BDNF: variants seen among roughly 807,000 people sequenced by gnomAD.
BDNF encodes neurotrophic factor BDNF precursor form.
A neutral mutation model predicts 19.5 loss-of-function variants in BDNF; 1 was observed. The ratio of observed to expected loss-of-function variants is 0.05; its 90% CI spans 0.02 to 0.24. BDNF has a LOEUF of 0.24. Among genes scored for constraint, BDNF ranks in the 10% least tolerant of loss-of-function variants. The probability of loss-of-function intolerance (pLI) is 1.00; values close to 1 mark genes in which losing one functional copy is unlikely to be tolerated. For synonymous variants in BDNF, 100 were observed against 121.6 expected (o/e 0.82, Z 1.17); for missense variants, 195 against 317.6 (o/e 0.61, Z 2.93).
At chr11:27,675,321 C>T (rs1855937794) in intron 1 of BDNF, 2 of 152,140 alleles carry the variant, frequency 1.3e-5, no homozygotes, top group South Asian at 2.1e-4. Context: ...CACAAGGTAC[C>T]AACCATATAT....
chr11:27,693,337 T>C (rs7127507), intron 1 of BDNF, among the ~76,000 whole-genome samples: 51,626 of 152,050 alleles, frequency 0.34, 9,339 homozygotes, highest in African/African-American at 0.44. Flanking sequence ...CTTTCTACAA[T>C]CTGCTGATAA....
At chr11:27,720,985 C>G (rs1860726210) in intron 1 of BDNF, among the ~76,000 whole-genome samples, 2 of 147,990 alleles carry the variant, frequency 1.4e-5, no homozygotes, top group African/African-American at 2.5e-5. Flanking sequence ...GTCTTTACCC[C>G]ACCCTTACCC....
intron 1 of BDNF, among the ~76,000 whole-genome samples, chr11:27,665,083 C>CA (rs1247243519): frequency 6.6e-6 from 1 of 152,204 alleles, no homozygotes; most frequent in African/African-American, 2.4e-5. Flanking sequence ...TTAACCTCTT[C>CA]AATTAGAATT....
chr11:27,657,771 AATAG>A lies in BDNF; in HGVS notation c.*46_*49del, dbSNP rs757951775. The A allele has an allele frequency of 1.9e-6, 3 of 1,603,248 alleles. No individual in the cohort carries two copies. Among genetic ancestry groups the A allele is most frequent in the Admixed American group, 1.7e-5 (1 of 59,910 alleles). ...ATTTACCCTGTTATGTATATATACA[AATAG>A]ATAATTTTTGTCTCAATATAATCTA... On this transcript the variant is annotated 3_prime_UTR_variant, in exon 2 of 2. Transcript: ENST00000356660. The surrounding 1 kb of genome is among the most constrained non-coding windows in gnomAD (Gnocchi z 5.0).
chr11:27,706,251 A>G (rs946539665), intron 1 of BDNF, among the ~76,000 whole-genome samples: 1 of 152,182 alleles, frequency 6.6e-6, no homozygotes, highest in Non-Finnish European at 1.5e-5. Flanking sequence ...GAGGCAAATA[A>G]TTTTTCTAAA....
chr11:27,660,305 C>T lies in BDNF; in HGVS notation c.-21-1720G>A, dbSNP rs1352312199. On this transcript the variant is annotated intron_variant, in intron 1 of 1. Transcript: ENST00000356660. ...CACAAAAAAATTTCTTTTAGATTTA[C>T]TCTCACTTTGCACGAATAGCAAACA... 5.7e-6 allele frequency: 6 copies of T among 1,055,312 alleles called. No homozygotes were observed. The Admixed American group carries it at 1.5e-4, about 27-fold the overall frequency. 65.4% of individuals were successfully genotyped at this position (1,055,312 alleles called of 1,614,324 possible). A position where few individuals can be genotyped will look rare whatever the true frequency, so the allele number is the denominator to read the frequency against.
intron 1 of BDNF, among the ~76,000 whole-genome samples, chr11:27,667,322 T>C (rs1017334416): frequency 6.6e-6 from 1 of 152,244 alleles, no homozygotes; most frequent in South Asian, 2.1e-4. Flanking sequence ...CATGCCAAAT[T>C]GTAAAGATCA....
At chr11:27,698,861 C>A (rs1441310435) in intron 1 of BDNF, among the ~76,000 whole-genome samples, 1 of 152,082 alleles carries the variant, frequency 6.6e-6, no homozygotes, top group East Asian at 1.9e-4. Context: ...AACTAGAGGA[C>A]CCTAAAATAA....
At chr11:27,685,682 T>C (rs774577143) in intron 1 of BDNF, among the ~76,000 whole-genome samples, 8 of 152,240 alleles carry the variant, frequency 5.3e-5, no homozygotes, top group Non-Finnish European at 1.0e-4. Context: ...GAGCAGGTTG[T>C]TCAGTTTCCA....
chr11:27,673,762 C>T (rs1855716419), intron 1 of BDNF, among the ~76,000 whole-genome samples: 1 of 152,054 alleles, frequency 6.6e-6, no homozygotes, highest in Admixed American at 6.6e-5. Context: ...TAATTAAACC[C>T]ATCTTAGGAC....
intron 1 of BDNF, among the ~76,000 whole-genome samples, chr11:27,663,285 T>A (rs1342578223): frequency 6.6e-6 from 1 of 152,254 alleles, no homozygotes; most frequent in Non-Finnish European, 1.5e-5. Flanking sequence ...TCATTGATGC[T>A]GTCTAATTCT....
chr11:27,677,645 C>T (rs1217272644), intron 1 of BDNF: 3 of 152,140 alleles, frequency 2.0e-5, no homozygotes, highest in Non-Finnish European at 2.9e-5. Context: ...TACAAATGAT[C>T]ACCTTATAGA....
chr11:27,700,979 A>T (rs751074725), upstream of BDNF: 1 of 1,360,930 alleles, frequency 7.3e-7, no homozygotes. Flanking sequence ...ACCTTCCCGC[A>T]CCTTCCTGCA....
chr11:27,671,421 G>GGA (rs751136447), intron 1 of BDNF, among the ~76,000 whole-genome samples: 1 of 152,014 alleles, frequency 6.6e-6, no homozygotes, highest in African/African-American at 2.4e-5. Context: ...TGGAAATGGT[G>GGA]GAGAGAGAGA....
intron 1 of BDNF, chr11:27,699,419 C>G (rs761390764): frequency 1.2e-6 from 2 of 1,614,008 alleles, no homozygotes; most frequent in East Asian, 4.5e-5. Context: ...CAGAGACTAA[C>G]CCGAGTCAAG....
At chr11:27,671,044 A>C (rs1231891399) in intron 1 of BDNF, among the ~76,000 whole-genome samples, 2 of 151,806 alleles carry the variant, frequency 1.3e-5, no homozygotes, top group South Asian at 4.1e-4. Flanking sequence ...ATTCTGAGCA[A>C]ACTATCGCAA....
chr11:27,658,393 A>C lies in BDNF; in HGVS notation c.172T>G (p.Ser58Ala). 6.2e-7 allele frequency: 1 copy of C among 1,614,132 alleles called. No homozygotes were observed. Among genetic ancestry groups the C allele is most frequent in the Non-Finnish European group, 8.5e-7 (1 of 1,180,016 alleles). ...GPKAGSRGLTSLADTFEHVIE... is the reference protein window; with the variant it reads ...GPKAGSRGLTALADTFEHVIE... ...ACGTGTTCGAAAGTGTCAGCCAATG[A>C]TGTCAAGCCTCTTGAACCTGCCTTG... Residue 58 changes from serine to alanine, a missense_variant, in exon 2 of 2, where the codon TCA becomes GCA. Physicochemically the swap from Ser to Ala is moderately conservative, Grantham distance 99. Transcript: ENST00000356660. This position sits in a 1 kb window ranked among gnomAD's most constrained non-coding sequence, Gnocchi z 5.7.
chr11:27,697,109 C>G (rs2134057170), intron 1 of BDNF, among the ~76,000 whole-genome samples: 1 of 151,928 alleles, frequency 6.6e-6, no homozygotes, highest in Non-Finnish European at 1.5e-5. Context: ...CTCTCTCTCT[C>G]TCTCTCCCCC....
intron 1 of BDNF, among the ~76,000 whole-genome samples, chr11:27,679,415 C>T (rs1417965521): frequency 2.0e-5 from 3 of 152,152 alleles, no homozygotes; most frequent in African/African-American, 7.2e-5. Context: ...TTTATTCATT[C>T]AGCAAAGGTT....
Sources: gnomAD v4.1 joint callset for allele counts (sites outside exome capture counted in the v4.1 genomes callset) on GRCh38, gnomAD v4.1.1 for gene constraint, Gnocchi (gnomAD v3.1) non-coding constraint, MANE v1.5 for transcripts, NCBI Gene and HGNC (gene_info 2026-07-23, HGNC 2026-07-21) for gene names.